Variants in CADM1 observed in about 807,000 individuals in gnomAD.
CADM1 encodes cell adhesion molecule 1, also known as TSLC-1.
In CADM1, 15 loss-of-function variants were observed where a neutral mutation model predicts 53.1. The observed-to-expected ratio is 0.28, with a 90% CI of 0.19 to 0.44. CADM1 has a LOEUF of 0.44. Ranked by LOEUF, CADM1 falls within the 20% of genes least tolerant of loss-of-function variation. CADM1 has a pLI of 1.00. For synonymous variants in CADM1, 281 were observed against 243.0 expected, an observed-to-expected ratio of 1.16 and a Z score of -1.45; for missense variants, 434 against 611.3, an observed-to-expected ratio of 0.71 and a Z score of 3.06.
At chr11:115,274,014 A>G (rs1252757024) in intron 1 of CADM1, among the ~76,000 whole-genome samples, 1 of 152,166 alleles carries the variant, frequency 6.6e-6, no homozygotes, top group Non-Finnish European at 1.5e-5. Flanking sequence ...TTCAAGATCT[A>G]TTTTCCTCCC....
At chr11:115,351,517 A>G (rs764737036) in intron 1 of CADM1, among the ~76,000 whole-genome samples, 2 of 152,240 alleles carry the variant, frequency 1.3e-5, no homozygotes, top group Non-Finnish European at 2.9e-5. Context: ...TAAGAGCCCA[A>G]CATCAGTAAG....
chr11:115,221,765 C>T (rs1326054147), intron 5 of CADM1, among the ~76,000 whole-genome samples: 1 of 152,158 alleles, frequency 6.6e-6, no homozygotes, highest in Non-Finnish European at 1.5e-5. Flanking sequence ...TTTGCAGTTT[C>T]TTCATGACTG....
At chr11:115,485,649 T>C (rs1024798062) in intron 1 of CADM1, among the ~76,000 whole-genome samples, 2 of 152,198 alleles carry the variant, frequency 1.3e-5, no homozygotes, top group Non-Finnish European at 2.9e-5. Flanking sequence ...TCTTCTCTGC[T>C]GCAATGTAAG....
At chr11:115,246,313 T>C (rs1942405941) in intron 1 of CADM1, among the ~76,000 whole-genome samples, 1 of 152,234 alleles carries the variant, frequency 6.6e-6, no homozygotes, top group Middle Eastern at 3.2e-3. Context: ...ATATGTTGAT[T>C]GTCTGCTCCA....
chr11:115,357,574 G>T (rs1945910332), intron 1 of CADM1, among the ~76,000 whole-genome samples: 1 of 152,066 alleles, frequency 6.6e-6, no homozygotes, highest in African/African-American at 2.4e-5. Context: ...GTGGTCTAGG[G>T]CATGTTACTT....
chr11:115,379,967 A>G (rs1169460984), intron 1 of CADM1, among the ~76,000 whole-genome samples: 1 of 152,198 alleles, frequency 6.6e-6, no homozygotes, highest in African/African-American at 2.4e-5. Flanking sequence ...TATAATAAAA[A>G]TCAACACATA....
At chr11:115,257,074 T>C (rs1942813171) in intron 1 of CADM1, among the ~76,000 whole-genome samples, 1 of 152,168 alleles carries the variant, frequency 6.6e-6, no homozygotes, top group African/African-American at 2.4e-5. Flanking sequence ...GCACCAACAA[T>C]TGAGGCACTT....
intron 1 of CADM1, among the ~76,000 whole-genome samples, chr11:115,244,835 A>G (rs1205259781): frequency 6.6e-6 from 1 of 152,194 alleles, no homozygotes; most frequent in Admixed American, 6.5e-5. Context: ...GATGAGAGAG[A>G]AACTGTCCTG....
At chr11:115,316,982 G>C (rs550032221) in intron 1 of CADM1, among the ~76,000 whole-genome samples, 2 of 152,208 alleles carry the variant, frequency 1.3e-5, no homozygotes, top group Admixed American at 1.3e-4. Context: ...GATTGCTTAA[G>C]CAAATTTACA....
intron 1 of CADM1, among the ~76,000 whole-genome samples, chr11:115,392,777 C>A (rs547914014): frequency 6.6e-6 from 1 of 151,994 alleles, no homozygotes; most frequent in African/African-American, 2.4e-5. Context: ...AATTGTGAAA[C>A]CTGCAAAGAA....
At chr11:115,296,039 C>T (rs553080851) in intron 1 of CADM1, among the ~76,000 whole-genome samples, 4 of 152,132 alleles carry the variant, frequency 2.6e-5, no homozygotes, top group Admixed American at 6.5e-5. Flanking sequence ...TAACCTGGAA[C>T]TCCTAGGTAC....
At chr11:115,298,442 G>C (rs1027716583) in intron 1 of CADM1, among the ~76,000 whole-genome samples, 5 of 152,158 alleles carry the variant, frequency 3.3e-5, no homozygotes, top group Non-Finnish European at 5.9e-5. Context: ...CTATTTTCAT[G>C]GCTTGGGGCA....
rs149644008 is a variant in CADM1, at chr11:115,419,673, G to A, written c.124+84598C>T. ...CTAAAGTATTAAGAAATCTTTGACC[G>A]TGAACCCGAAAATGAGCCCCTGAGA... On this transcript the variant is annotated intron_variant, in intron 1 of 11. Transcript: ENST00000331581. Among the ~76,000 whole-genome samples the A allele has an allele frequency of 4.8e-3, 730 of 152,204 alleles. 5 individuals are homozygous for A. The highest frequency in any genetic ancestry group is 0.017 in the African/African-American group (689 of 41,538).
At chr11:115,345,355 T>C (rs975507787) in intron 1 of CADM1, among the ~76,000 whole-genome samples, 5 of 152,158 alleles carry the variant, frequency 3.3e-5, no homozygotes, top group African/African-American at 9.7e-5. Context: ...TTTAACATGA[T>C]TTTCCTCTGC....
intron 11 of CADM1, among the ~76,000 whole-genome samples, chr11:115,177,189 T>G (rs1170169750): frequency 6.6e-6 from 1 of 152,206 alleles, no homozygotes; most frequent in Non-Finnish European, 1.5e-5. Flanking sequence ...AATTTGACAT[T>G]ATAATAGCAG....
intron 1 of CADM1, among the ~76,000 whole-genome samples, chr11:115,305,367 C>T (rs1429488906): frequency 6.6e-6 from 1 of 152,028 alleles, no homozygotes; most frequent in Non-Finnish European, 1.5e-5. Context: ...TTTCCTCTCT[C>T]ACTGGTTTTA....
chr11:115,469,924 C>G (rs192625520), intron 1 of CADM1, among the ~76,000 whole-genome samples: 60 of 152,294 alleles, frequency 3.9e-4, no homozygotes, highest in South Asian at 1.9e-3. Flanking sequence ...CCACCCGCCT[C>G]GGCCTCCCAA....
chr11:115,354,639 T>C (rs1184438726), intron 1 of CADM1, among the ~76,000 whole-genome samples: 2 of 152,224 alleles, frequency 1.3e-5, no homozygotes, highest in African/African-American at 2.4e-5. Context: ...ATAATTACAA[T>C]ATAAAGTGAC....
chr11:115,308,063 T>A (rs993888483), intron 1 of CADM1, among the ~76,000 whole-genome samples: 1 of 151,030 alleles, frequency 6.6e-6, no homozygotes, highest in South Asian at 2.1e-4. Flanking sequence ...AGAAAAAAAA[T>A]TTTTGCTCAA....
Sources: allele counts gnomAD v4.1 joint callset (sites outside exome capture counted in the v4.1 genomes callset), GRCh38; gene constraint gnomAD v4.1.1; transcripts MANE v1.5; gene names NCBI Gene and HGNC (gene_info 2026-07-23, HGNC 2026-07-21).